DNAJA1: variants seen among roughly 807,000 people sequenced by gnomAD.
DNAJA1 encodes dnaJ homolog subfamily A member 1.
DNAJA1 carries 26 observed loss-of-function variants against 47.6 expected under a neutral mutation model. The ratio of observed to expected loss-of-function variants is 0.55; its 90% CI spans 0.40 to 0.76. The LOEUF is 0.76. Ranked by LOEUF, DNAJA1 falls within the 30% of genes least tolerant of loss-of-function variation. The pLI, the probability that DNAJA1 is intolerant of heterozygous loss-of-function variation, is 0.00. For missense variants in DNAJA1, 315 were observed against 485.0 expected, an observed-to-expected ratio of 0.65 and a Z score of 3.29; for synonymous variants, 165 against 158.4, an observed-to-expected ratio of 1.04 and a Z score of -0.31.
At chr9:33,037,284 G>A in intron 8 of DNAJA1, 169 bp downstream of exon 8, 3 of 450,776 alleles carry the variant, frequency 6.7e-6, no homozygotes, top group Non-Finnish European at 7.9e-6. Context: ...AACAGCCTGG[G>A]CAACATAGTG....
chr9:33,033,189 T>A (rs1838986556), intron 5 of DNAJA1, among the ~76,000 whole-genome samples: 1 of 151,880 alleles, frequency 6.6e-6, no homozygotes, highest in Non-Finnish European at 1.5e-5. Flanking sequence ...AAGGCGTGTT[T>A]TTTTGCCCTG....
intron 3 of DNAJA1, among the ~76,000 whole-genome samples, chr9:33,027,988 A>C (rs1838899975): frequency 6.8e-6 from 1 of 146,756 alleles, no homozygotes; most frequent in African/African-American, 2.5e-5. Flanking sequence ...TCGCCCAATT[A>C]CACTCCAGCC....
chr9:33,029,325 A>G (rs967134475), intron 3 of DNAJA1, among the ~76,000 whole-genome samples: 1 of 152,246 alleles, frequency 6.6e-6, no homozygotes, highest in African/African-American at 2.4e-5. Flanking sequence ...CAAAACAACC[A>G]GTGCTGGCCC....
rs1427565850 is a variant in DNAJA1, at chr9:33,038,613, G to A, written c.976-72G>A. 2.1e-6 allele frequency: 3 copies of A among 1,405,220 alleles called. No individual in the cohort carries two copies. In the African/African-American group the frequency reaches 4.3e-5, roughly 20 times the overall value. 87.0% of individuals were successfully genotyped at this position (1,405,220 alleles called of 1,614,324 possible). Reference sequence around the variant, plus strand: ...ACGTGTTTACATGTGTTTTTCTGGGGAAAATGGGTCCATGATACTCTAAGG... The same window carrying A: ...ACGTGTTTACATGTGTTTTTCTGGGAAAAATGGGTCCATGATACTCTAAGG... On this transcript the variant is annotated intron_variant, in intron 8 of 8. Transcript: ENST00000330899.
intron 8 of DNAJA1, among the ~76,000 whole-genome samples, chr9:33,037,637 G>A (rs754585945): frequency 4.6e-5 from 7 of 152,160 alleles, no homozygotes; most frequent in Admixed American, 6.5e-5. Context: ...AATCAAGATC[G>A]TGTCACTGTA....
At position 33,038,779 on chromosome 9, in the gene DNAJA1, A is replaced by G; in HGVS notation, c.1070A>G (p.Glu357Gly). Residue 357 changes from glutamate to glycine, a missense_variant, in exon 9 of 9, where the codon GAG becomes GGG. This residue lies in a region of DNAJA1 where 162 missense variants were observed against 185.4 expected (regional missense o/e 0.87). Transcript: ENST00000330899. ...PERKEVEETD[E>G]MDQVELVDFD... is the part of the protein sequence containing the mutation. ...AGGAAGGAAGTGGAAGAGACTGATGAGATGGACCAAGTAGAACTGGTGGAC... is the reference window on the plus strand; with the variant it reads ...AGGAAGGAAGTGGAAGAGACTGATGGGATGGACCAAGTAGAACTGGTGGAC... The G allele has an allele frequency of 6.2e-7, 1 of 1,614,172 alleles. No homozygotes were observed. The highest frequency in any genetic ancestry group is 8.5e-7 in the Non-Finnish European group (1 of 1,180,028).
At position 33,025,702 on chromosome 9, in the gene DNAJA1, G is replaced by C. The variant is rs927946222; in HGVS notation, c.-11+319G>C. 1.1e-3 allele frequency among the ~76,000 whole-genome samples: 172 copies of C among 151,040 alleles called. 1 individual carries two copies. Among genetic ancestry groups the C allele is most frequent in the African/African-American group, 3.6e-3 (148 of 41,148 alleles). On this transcript the variant is annotated intron_variant, in intron 1 of 8. Coordinates refer to ENST00000330899, the MANE Select transcript of DNAJA1 (RefSeq NM_001539.4). ...CCCGTCCGTGCTCGCTCGGGGTGGG[G>C]GGGGGGAGTGGGGTTGGCGACCCTG...
intron 5 of DNAJA1, among the ~76,000 whole-genome samples, chr9:33,031,986 A>G (rs1838969497): frequency 6.6e-6 from 1 of 152,218 alleles, no homozygotes; most frequent in Non-Finnish European, 1.5e-5. Context: ...TATTACAGCA[A>G]TACACTGCAG....
Position 33,026,505 on chromosome 9 carries a change from C to A in DNAJA1, c.21C>A (p.Tyr7Ter). The change falls in exon 2 of 9, where the codon TAC (tyrosine) becomes TAA (stop). Residue 7 changes from tyrosine (Y) to a stop codon, truncating the protein, a stop_gained. Transcript: ENST00000330899. LOFTEE classifies it high-confidence loss of function. MVKETT[Y>*]YDVLGVKPNA... ...AGAAGATGGTGAAAGAAACAACTTA[C>A]TACGATGTTTTGGGGGTCAAACCCA... The A allele has an allele frequency of 6.2e-7, 1 of 1,606,944 alleles. No individual in the cohort carries two copies. Among genetic ancestry groups the A allele is most frequent in the Non-Finnish European group, 8.5e-7 (1 of 1,178,416 alleles).
At position 33,036,795 on chromosome 9, in the gene DNAJA1, C is replaced by A. The variant is rs534770513; in HGVS notation, c.874+106C>A. On this transcript the variant is annotated intron_variant, in intron 7 of 8. Transcript: ENST00000330899. ...GCACTGAGGGAAACCCATTGTTTTT[C>A]TTTCTCGGTTACATATCCTTCTCTG... 8.0e-5 allele frequency: 70 copies of A among 878,264 alleles called. No individual in the cohort carries two copies. The African/African-American group carries it at 1.1e-3, about 13-fold the overall frequency. The allele number at this position is 878,264 out of a possible 1,614,324, so 54.4% of individuals were successfully genotyped here.
intron 1 of DNAJA1, among the ~76,000 whole-genome samples, chr9:33,026,236 GA>G (rs1838843072): frequency 6.6e-6 from 1 of 152,210 alleles, no homozygotes; most frequent in South Asian, 2.1e-4. Flanking sequence ...TTTGGTGTAG[GA>G]AAATTGGAAC....
At chr9:33,037,175 A>T (rs1216931057) in intron 8 of DNAJA1, 60 bp downstream of exon 8, 2 of 1,520,838 alleles carry the variant, frequency 1.3e-6, no homozygotes, top group Admixed American at 1.8e-5. Context: ...AATCTGATAA[A>T]AAAGTAAAAT....
intron 4 of DNAJA1, 56 bp downstream of exon 4, chr9:33,030,045 C>G: frequency 6.7e-7 from 1 of 1,483,550 alleles, no homozygotes; most frequent in Non-Finnish European, 9.3e-7. Context: ...TAATATGACA[C>G]CTGAAAATGG....
rs1482299549 is a variant in DNAJA1, at chr9:33,037,016, T to G, written c.876T>G (p.Gly292=). The G allele has an allele frequency of 4.4e-6, 7 of 1,604,736 alleles. No individual in the cohort carries two copies. The South Asian group carries it at 4.5e-5, about 10-fold the overall frequency. ...NRTIVITSHP[G]QIVKHGDIKC... ...AGAACTTGGCTTCAATGTTTTTAGG[T>G]CAGATTGTCAAGCATGGAGATATCA... The change falls in exon 8 of 9, where the codon GGT becomes GGG. Residue 292 remains glycine, a splice_region_variant and synonymous_variant. Transcript: ENST00000330899.
chr9:33,032,123 G>A (rs971874078), intron 5 of DNAJA1, among the ~76,000 whole-genome samples: 1 of 152,084 alleles, frequency 6.6e-6, no homozygotes, highest in African/African-American at 2.4e-5. Context: ...TACCAATCTG[G>A]AACTGTTAAT....
rs766672756 is a variant in DNAJA1 at position 33,038,975 on chromosome 9, A to G, written c.*72A>G. Reference sequence around the variant, plus strand: ...GAATGAGTGAAGGACTGTAATCATAATATGCTCACTACTTGCTCTTGTTTT... The same window carrying G: ...GAATGAGTGAAGGACTGTAATCATAGTATGCTCACTACTTGCTCTTGTTTT... On this transcript the variant is annotated 3_prime_UTR_variant, in exon 9 of 9. Coordinates refer to ENST00000330899, the MANE Select transcript of DNAJA1 (RefSeq NM_001539.4). The G allele has an allele frequency of 8.2e-6, 11 of 1,338,050 alleles. No homozygotes were observed. In the South Asian group the frequency reaches 1.4e-4, roughly 17 times the overall value. 82.9% of individuals were successfully genotyped at this position (1,338,050 alleles called of 1,614,324 possible). A position where few individuals can be genotyped will look rare whatever the true frequency, so the allele number is the denominator to read the frequency against.
intron 1 of DNAJA1, among the ~76,000 whole-genome samples, chr9:33,026,146 T>G (rs148662773): frequency 7.8e-4 from 119 of 152,312 alleles, no homozygotes; most frequent in East Asian, 3.9e-3. Context: ...TATCAGTGCT[T>G]CTTTTGGTTA....
In DNAJA1 at chr9:33,038,999, T is replaced by G; in HGVS notation, c.*96T>G. On this transcript the variant is annotated 3_prime_UTR_variant, in exon 9 of 9. Coordinates refer to ENST00000330899, the MANE Select transcript of DNAJA1 (RefSeq NM_001539.4). ...AATATGCTCACTACTTGCTCTTGTT[T>G]TTGTTTTAATAAACTATAGTAGTGT... The G allele has an allele frequency of 8.4e-7, 1 of 1,192,562 alleles. No homozygotes were observed. Among genetic ancestry groups the G allele is most frequent in the Non-Finnish European group, 1.2e-6 (1 of 845,186 alleles). The allele number at this position is 1,192,562 out of a possible 1,614,324, so 73.9% of individuals were successfully genotyped here. A position where few individuals can be genotyped will look rare whatever the true frequency, so the allele number is the denominator to read the frequency against.
Position 33,029,930 on chromosome 9 carries a change from A to G in DNAJA1, c.356A>G (p.Tyr119Cys), listed in dbSNP as rs916457048. The G allele has an allele frequency of 4.7e-5, 76 of 1,613,386 alleles. No homozygotes were observed. The highest frequency in any genetic ancestry group is 6.3e-5 in the Non-Finnish European group (74 of 1,179,870). Reference sequence around the variant, plus strand: ...CTCTCAGTAACCCTAGAAGACTTATATAATGGTGCAACAAGAAAACTGGCT... The same window carrying G: ...CTCTCAGTAACCCTAGAAGACTTATGTAATGGTGCAACAAGAAAACTGGCT... ...HQLSVTLEDL[Y>C]NGATRKLALQ... is the part of the protein sequence containing the mutation. The change falls in exon 4 of 9, where the codon TAT becomes TGT. Residue 119 changes from tyrosine to cysteine, a missense_variant. Tyr to Cys is a radical substitution (Grantham distance 194, BLOSUM62 -2). Transcript: ENST00000330899.
Sources: allele counts gnomAD v4.1 joint callset (sites outside exome capture counted in the v4.1 genomes callset), GRCh38; gene constraint gnomAD v4.1.1; regional missense constraint gnomAD v4.1.1; transcripts MANE v1.5; gene names NCBI Gene and HGNC (gene_info 2026-07-23, HGNC 2026-07-21).